The following STXBP5 variants were observed in gnomAD, a reference collection of about 807,000 sequenced individuals.
STXBP5 encodes syntaxin binding protein 5.
STXBP5 carries 50 observed loss-of-function variants against 152.4 expected under a neutral mutation model. That is an observed-to-expected ratio of 0.33 (90% CI 0.26 to 0.42). STXBP5 has a LOEUF of 0.42. Ranked by LOEUF, STXBP5 falls within the 10% of genes least tolerant of loss-of-function variation. The pLI, the probability that STXBP5 is intolerant of heterozygous loss-of-function variation, is 1.00. For synonymous variants in STXBP5, 492 were observed against 494.7 expected (o/e 0.99, Z 0.07); for missense variants, 1,167 against 1,388.6 (o/e 0.84, Z 2.54).
rs182862609 is a variant in STXBP5 at position 147,265,636 on chromosome 6, G to A, written c.631-1448G>A. Among the ~76,000 whole-genome samples, 181 of 152,118 alleles carry A rather than the reference G, an allele frequency of 1.2e-3. 2 individuals are homozygous for A. The highest frequency in any genetic ancestry group is 6.3e-3 in the Admixed American group (96 of 15,242). ...TTAAGCAGAGGAAATCTCATACTGAGATTTGGAAAATACTGAGGTGGGGCC... is the reference window on the plus strand; with the variant it reads ...TTAAGCAGAGGAAATCTCATACTGAAATTTGGAAAATACTGAGGTGGGGCC... On this transcript the variant is annotated intron_variant, in intron 6 of 27. Coordinates refer to ENST00000321680, the MANE Select transcript of STXBP5 (RefSeq NM_001127715.4).
intron 4 of STXBP5, among the ~76,000 whole-genome samples, chr6:147,254,394 G>A (rs1232447620): frequency 3.9e-5 from 6 of 152,148 alleles, no homozygotes; most frequent in African/African-American, 1.2e-4. Context: ...CAAAGACTTC[G>A]TGACTATAAC....
intron 14 of STXBP5, 47 bp from the exon 15 acceptor site, chr6:147,315,468 T>C (rs746515783): frequency 1.5e-6 from 2 of 1,299,058 alleles, no homozygotes; most frequent in East Asian, 5.0e-5. Context: ...ACCTTATGTT[T>C]GATCATTTTA....
chr6:147,207,714 A>G (rs1371329969), intron 2 of STXBP5, among the ~76,000 whole-genome samples: 1 of 152,168 alleles, frequency 6.6e-6, no homozygotes, highest in Non-Finnish European at 1.5e-5. Flanking sequence ...ACTGGACTAG[A>G]AGAAGGAAAG....
chr6:147,259,053 A>G (rs528961636), intron 4 of STXBP5, among the ~76,000 whole-genome samples: 9 of 152,246 alleles, frequency 5.9e-5, no homozygotes, highest in African/African-American at 2.2e-4. Context: ...GTAGTTATAG[A>G]GCAGAGTAAT....
At chr6:147,276,111 A>C (rs1780431560) in intron 7 of STXBP5, among the ~76,000 whole-genome samples, 1 of 152,204 alleles carries the variant, frequency 6.6e-6, no homozygotes, top group Non-Finnish European at 1.5e-5. Context: ...TTTCTCAAGA[A>C]TACTAAAGAA....
intron 25 of STXBP5, among the ~76,000 whole-genome samples, chr6:147,370,443 G>T (rs1465537611): frequency 6.6e-6 from 1 of 152,028 alleles, no homozygotes; most frequent in African/African-American, 2.4e-5. Context: ...ATGGATTCAG[G>T]ACTTTTAATT....
intron 21 of STXBP5, among the ~76,000 whole-genome samples, chr6:147,350,109 C>G (rs147135365): frequency 9.7e-4 from 148 of 152,192 alleles, no homozygotes; most frequent in Middle Eastern, 3.4e-3. Flanking sequence ...ATTCAACAAT[C>G]TTTCCAGTCA....
At chr6:147,213,477 T>TGTGTGCGCGCGCGCAC in intron 2 of STXBP5, among the ~76,000 whole-genome samples, 5 of 131,278 alleles carry the variant, frequency 3.8e-5, no homozygotes, top group African/African-American at 1.3e-4. Flanking sequence ...TGTGTGTGTG[T>TGTGTGCGCGCGCGCAC]GCGCGCGCAT....
intron 4 of STXBP5, among the ~76,000 whole-genome samples, chr6:147,259,001 C>T (rs1373745396): frequency 2.0e-5 from 3 of 151,998 alleles, no homozygotes; most frequent in Non-Finnish European, 2.9e-5. Flanking sequence ...ATTTAAAAAG[C>T]ATTAAACTTT....
Position 147,250,411 on chromosome 6 carries a change from C to CA in STXBP5, c.432-10195dup, listed in dbSNP as rs554513677. 1.3e-3 allele frequency among the ~76,000 whole-genome samples: 197 copies of CA among 149,708 alleles called. 1 individual carries two copies. The East Asian group carries it at 0.031, about 23-fold the overall frequency. On this transcript the variant is annotated intron_variant, in intron 4 of 27. Transcript: ENST00000321680. ...GCTTGAAAATATTTGGGGAAAAATA[C>CA]AAAAAAAAATAGTATATTTGCATTG...
chr6:147,217,424 A>G (rs1777227340), intron 2 of STXBP5, among the ~76,000 whole-genome samples: 2 of 152,198 alleles, frequency 1.3e-5, no homozygotes, highest in African/African-American at 4.8e-5. Context: ...TTTAACCCAG[A>G]CCACTATTAT....
At chr6:147,317,919 A>G (rs1562483585) in intron 16 of STXBP5, among the ~76,000 whole-genome samples, 2 of 152,294 alleles carry the variant, frequency 1.3e-5, no homozygotes, top group Non-Finnish European at 2.9e-5. Flanking sequence ...TTTATGACAT[A>G]CGTAGTACAA....
intron 23 of STXBP5, among the ~76,000 whole-genome samples, chr6:147,362,140 A>T (rs1203857609): frequency 1.3e-5 from 2 of 152,188 alleles, no homozygotes; most frequent in African/African-American, 4.8e-5. Context: ...TGAAATTCAA[A>T]TTGAAATATG....
intron 8 of STXBP5, among the ~76,000 whole-genome samples, chr6:147,289,666 A>G (rs1418834197): frequency 1.3e-5 from 2 of 152,146 alleles, no homozygotes; most frequent in Non-Finnish European, 2.9e-5. Context: ...AGAAGTATAC[A>G]TGACCAGTTA....
chr6:147,250,413 A>C (rs1779024928), intron 4 of STXBP5, among the ~76,000 whole-genome samples: 1 of 152,002 alleles, frequency 6.6e-6, no homozygotes, highest in South Asian at 2.1e-4. Flanking sequence ...GAAAAATACA[A>C]AAAAAAATAG....
rs1028098084 is a variant in STXBP5, at chr6:147,389,573, T to C, written c.*4818T>C. On this transcript the variant is annotated 3_prime_UTR_variant, in exon 28 of 28. Coordinates refer to ENST00000321680, the MANE Select transcript of STXBP5 (RefSeq NM_001127715.4). ...ATGAGGCTTATCGTTTAAAATTTTATAGTGTATGACATGTAAATAAACCAG... is the reference window on the plus strand; with the variant it reads ...ATGAGGCTTATCGTTTAAAATTTTACAGTGTATGACATGTAAATAAACCAG... 2 of 151,896 alleles carry C rather than the reference T, an allele frequency of 1.3e-5. No homozygotes were observed. Among genetic ancestry groups the C allele is most frequent in the Non-Finnish European group, 2.9e-5 (2 of 67,820 alleles). 9.4% of individuals were successfully genotyped at this position (151,896 alleles called of 1,614,324 possible).
intron 2 of STXBP5, among the ~76,000 whole-genome samples, chr6:147,208,839 G>A (rs1169806310): frequency 2.6e-5 from 4 of 152,098 alleles, no homozygotes; most frequent in African/African-American, 9.6e-5. Context: ...GCTAATGTTT[G>A]TAGACAAGGA....
chr6:147,288,250 A>T (rs1781094620), intron 8 of STXBP5, among the ~76,000 whole-genome samples: 1 of 152,180 alleles, frequency 6.6e-6, no homozygotes, highest in Admixed American at 6.5e-5. Context: ...CAGCCACAGC[A>T]CTTTGGGAAT....
At chr6:147,323,741 C>T (rs529190638) in intron 16 of STXBP5, among the ~76,000 whole-genome samples, 1 of 152,224 alleles carries the variant, frequency 6.6e-6, no homozygotes, top group South Asian at 2.1e-4. Flanking sequence ...CTAATTTGAC[C>T]ATCTGCAAAG....
Sources: allele counts gnomAD v4.1 joint callset (sites outside exome capture counted in the v4.1 genomes callset), GRCh38; gene constraint gnomAD v4.1.1; transcripts MANE v1.5; gene names NCBI Gene and HGNC (gene_info 2026-07-23, HGNC 2026-07-21).